The following ARHGAP10 variants were observed in gnomAD, a reference collection of about 807,000 sequenced individuals.
ARHGAP10 encodes rho GTPase-activating protein 10.
A neutral mutation model predicts 108.6 loss-of-function variants in ARHGAP10; 87 were observed. The ratio of observed to expected loss-of-function variants is 0.80; its 90% confidence interval spans 0.67 to 0.96. The LOEUF (loss-of-function observed/expected upper bound fraction) is 0.96, where lower values mean the gene tolerates loss of function less well. ARHGAP10 is among the 40% of genes least tolerant of loss of function. ARHGAP10 has a pLI of 0.00. For missense variants in ARHGAP10, 939 were observed against 954.5 expected (o/e 0.98, Z 0.21); for synonymous variants, 347 against 341.1 (o/e 1.02, Z -0.19).
intron 1 of ARHGAP10, among the ~76,000 whole-genome samples, chr4:147,744,246 A>G (rs1728810634): frequency 6.6e-6 from 1 of 152,180 alleles, no homozygotes; most frequent in South Asian, 2.1e-4. Context: ...TTCCCTGCTG[A>G]GAGTGGGGAA....
intron 10 of ARHGAP10, among the ~76,000 whole-genome samples, chr4:147,882,867 T>C (rs1735386102): frequency 1.3e-5 from 2 of 152,228 alleles, no homozygotes; most frequent in Admixed American, 6.5e-5. Flanking sequence ...GAATATTTGC[T>C]TTTTAATGGC....
intron 7 of ARHGAP10, among the ~76,000 whole-genome samples, chr4:147,872,072 A>G (rs1445155798): frequency 6.8e-6 from 1 of 146,146 alleles, no homozygotes; most frequent in African/African-American, 2.7e-5. Context: ...ACTTTACTCC[A>G]GCCTGACCAA....
intron 11 of ARHGAP10, among the ~76,000 whole-genome samples, chr4:147,909,245 T>C (rs2126914266): frequency 6.6e-6 from 1 of 152,326 alleles, no homozygotes; most frequent in Non-Finnish European, 1.5e-5. Flanking sequence ...TGAAGTGAGG[T>C]TGAGGTGGGT....
At chr4:148,063,860 A>C (rs1294959150) in intron 21 of ARHGAP10, among the ~76,000 whole-genome samples, 1 of 152,226 alleles carries the variant, frequency 6.6e-6, no homozygotes, top group Non-Finnish European at 1.5e-5. Flanking sequence ...GGTTGCTTTA[A>C]CAAATGGTGA....
At chr4:147,860,115 C>T (rs1281349437) in intron 5 of ARHGAP10, among the ~76,000 whole-genome samples, 1 of 152,172 alleles carries the variant, frequency 6.6e-6, no homozygotes, top group African/African-American at 2.4e-5. Flanking sequence ...TAGAAACGTA[C>T]ATAATTCATT....
chr4:148,028,045 A>G (rs1285227693), intron 19 of ARHGAP10, among the ~76,000 whole-genome samples: 1 of 152,152 alleles, frequency 6.6e-6, no homozygotes, highest in Non-Finnish European at 1.5e-5. Flanking sequence ...TTCTGTTCCC[A>G]TTCTGTTTGT....
Position 147,893,271 on chromosome 4 carries a change from T to C in ARHGAP10, c.1034+11339T>C, listed in dbSNP as rs192634312. On this transcript the variant is annotated intron_variant, in intron 10 of 22. Coordinates refer to ENST00000336498, the MANE Select transcript of ARHGAP10 (RefSeq NM_024605.4). ...ACGGGTTTCACCTTGTTGGTCAGGC[T>C]GGTCTTAAACTCCTGACCTCAGGTG... Among the ~76,000 whole-genome samples, 899 of 151,968 alleles carry C rather than the reference T, an allele frequency of 5.9e-3. 8 individuals carry two copies. The highest frequency in any genetic ancestry group is 0.021 in the African/African-American group (869 of 41,490).
At chr4:147,849,008 T>A (rs1264543310) in intron 4 of ARHGAP10, among the ~76,000 whole-genome samples, 1 of 152,232 alleles carries the variant, frequency 6.6e-6, no homozygotes, top group East Asian at 1.9e-4. Flanking sequence ...AGAGTTTATG[T>A]TATGTGCAGT....
intron 10 of ARHGAP10, among the ~76,000 whole-genome samples, chr4:147,885,581 A>G (rs1335658918): frequency 6.6e-6 from 1 of 152,202 alleles, no homozygotes; most frequent in Non-Finnish European, 1.5e-5. Flanking sequence ...GCTGTGGGTC[A>G]TTATGAAGAG....
intron 5 of ARHGAP10, chr4:147,858,571 T>C (rs1560794321): frequency 1.3e-5 from 2 of 152,360 alleles, no homozygotes; most frequent in South Asian, 4.1e-4. Flanking sequence ...GACTGACATT[T>C]GGATGGCACT....
chr4:147,994,180 C>T (rs1008804371), intron 18 of ARHGAP10, among the ~76,000 whole-genome samples: 2 of 152,162 alleles, frequency 1.3e-5, no homozygotes, highest in African/African-American at 4.8e-5. Context: ...TTAAATGATG[C>T]ATAGTGTTTC....
chr4:147,742,273 A>C (rs942810832), intron 1 of ARHGAP10, among the ~76,000 whole-genome samples: 1 of 152,040 alleles, frequency 6.6e-6, no homozygotes, highest in African/African-American at 2.4e-5. Context: ...CTTTATTAGT[A>C]AAATGGCCCT....
At chr4:147,916,685 T>C (rs762068668) in intron 13 of ARHGAP10, 17 of 152,242 alleles carry the variant, frequency 1.1e-4, no homozygotes, top group Non-Finnish European at 2.1e-4. Flanking sequence ...AGATACGGGG[T>C]CCATCGCTGA....
intron 13 of ARHGAP10, among the ~76,000 whole-genome samples, chr4:147,929,879 C>A (rs1329556767): frequency 6.6e-6 from 1 of 151,818 alleles, no homozygotes; most frequent in East Asian, 1.9e-4. Flanking sequence ...GTTGTATAAC[C>A]CATAGAGAAA....
intron 15 of ARHGAP10, among the ~76,000 whole-genome samples, chr4:147,954,225 G>C (rs929322714): frequency 1.3e-5 from 2 of 151,900 alleles, no homozygotes; most frequent in African/African-American, 4.8e-5. Context: ...TAAGTTGGTT[G>C]ATATTTTTGT....
chr4:147,832,354 T>C (rs1314872118), intron 3 of ARHGAP10, among the ~76,000 whole-genome samples: 1 of 151,572 alleles, frequency 6.6e-6, no homozygotes, highest in Non-Finnish European at 1.5e-5. Flanking sequence ...TTTTTTTTTT[T>C]TTAAAAAGAG....
At chr4:147,741,792 GCACACACACA>G (rs112095776) in intron 1 of ARHGAP10, among the ~76,000 whole-genome samples, 3,643 of 57,614 alleles carry the variant, frequency 0.063, 84 homozygotes, top group South Asian at 0.21. Flanking sequence ...ACACACACAC[GCACACACACA>G]CACACACACA....
chr4:147,925,773 C>T (rs979086912), intron 13 of ARHGAP10, among the ~76,000 whole-genome samples: 2 of 152,204 alleles, frequency 1.3e-5, no homozygotes, highest in African/African-American at 4.8e-5. Context: ...TGACACAGGA[C>T]AGTTTATTAC....
intron 1 of ARHGAP10, among the ~76,000 whole-genome samples, chr4:147,789,904 G>A (rs1731050249): frequency 6.6e-6 from 1 of 152,114 alleles, no homozygotes; most frequent in Non-Finnish European, 1.5e-5. Context: ...CCAAGGCAGG[G>A]ATTTATGAGG....
Sources: gnomAD v4.1 joint callset for allele counts (sites outside exome capture counted in the v4.1 genomes callset) on GRCh38, gnomAD v4.1.1 for gene constraint, MANE v1.5 for transcripts, NCBI Gene and HGNC (gene_info 2026-07-23, HGNC 2026-07-21) for gene names.